The following ITCH variants were observed in gnomAD, a reference collection of about 807,000 sequenced individuals.
The protein encoded by ITCH is E3 ubiquitin-protein ligase Itchy homolog.
A neutral mutation model predicts 126.8 loss-of-function variants in ITCH; 28 were observed. The ratio of observed to expected loss-of-function variants is 0.22; its 90% CI spans 0.16 to 0.30. The LOEUF (loss-of-function observed/expected upper bound fraction) is 0.30, where lower values mean the gene tolerates loss of function less well. Among genes scored for constraint, ITCH ranks in the 10% least tolerant of loss-of-function variants. The probability of loss-of-function intolerance (pLI) is 1.00; values close to 1 mark genes in which losing one functional copy is unlikely to be tolerated. For synonymous variants in ITCH, 342 were observed against 340.0 expected, an observed-to-expected ratio of 1.01 and a Z score of -0.06; for missense variants, 631 against 1,032.4, an observed-to-expected ratio of 0.61 and a Z score of 5.33.
In ITCH at chr20:34,402,660, C is replaced by T. The variant is rs771681452; in HGVS notation, c.71-5991C>T. ...ATTTGTTGTGTTGTTTTACCAACAG[C>T]ACCATCACCCACAACAACACACTTA... On this transcript the variant is annotated intron_variant, in intron 3 of 24. Transcript: ENST00000374864. 5.0e-5 allele frequency: 28 copies of T among 559,300 alleles called. No homozygotes were observed. The Admixed American group carries it at 6.8e-4, about 14-fold the overall frequency. The allele number at this position is 559,300 out of a possible 1,614,324, so 34.6% of individuals were successfully genotyped here.
Position 34,375,695 on chromosome 20 carries a change from AATTTTTTTTTTT to A in ITCH, c.-22+6226_-22+6237del, listed in dbSNP as rs1317259203. Reference sequence around the variant, plus strand: ...ACACTCACAATGTATTGGTAGTTAAAATTTTTTTTTTTTTTTTTTTTTTTTTTTTTTTTTTTA... The same window carrying A: ...ACACTCACAATGTATTGGTAGTTAAATTTTTTTTTTTTTTTTTTTTTTTTA... On this transcript the variant is annotated intron_variant, in intron 2 of 24. Transcript: ENST00000374864. Among the ~76,000 whole-genome samples, 157 of 135,140 alleles carry A rather than the reference AATTTTTTTTTTT, an allele frequency of 1.2e-3. 1 individual carries two copies. The highest frequency in any genetic ancestry group is 4.5e-3 in the African/African-American group (154 of 34,074). The allele number at this position is 135,140 out of a possible 152,430, so 88.7% of individuals were successfully genotyped here. A position where few individuals can be genotyped will look rare whatever the true frequency, so the allele number is the denominator to read the frequency against.
intron 13 of ITCH, among the ~76,000 whole-genome samples, chr20:34,460,849 G>C (rs1986441466): frequency 6.6e-6 from 1 of 152,036 alleles, no homozygotes; most frequent in Non-Finnish European, 1.5e-5. Flanking sequence ...AGTGAGACCA[G>C]TCTCTACATA....
At chr20:34,501,923 A>G (rs1475173734) in intron 23 of ITCH, among the ~76,000 whole-genome samples, 2 of 152,204 alleles carry the variant, frequency 1.3e-5, no homozygotes, top group African/African-American at 4.8e-5. Flanking sequence ...AATAAATTAT[A>G]GATGGTCAAG....
chr20:34,434,109 C>T (rs554613657), intron 7 of ITCH, among the ~76,000 whole-genome samples: 1 of 152,142 alleles, frequency 6.6e-6, no homozygotes, highest in African/African-American at 2.4e-5. Flanking sequence ...GACCTTGTCT[C>T]TACAAAAACA....
chr20:34,454,716 A>T (rs1206072693), intron 12 of ITCH, among the ~76,000 whole-genome samples: 1 of 152,030 alleles, frequency 6.6e-6, no homozygotes, highest in East Asian at 1.9e-4. Flanking sequence ...AATATTACCA[A>T]ATACGAACTT....
At chr20:34,507,263 G>GTTTTTTTTTTTTTTTTTTTT (rs776161631) in intron 24 of ITCH, among the ~76,000 whole-genome samples, 29 of 39,154 alleles carry the variant, frequency 7.4e-4, no homozygotes, top group Non-Finnish European at 1.1e-3. Context: ...GTTTTCTTCT[G>GTTTTTTTTTTTTTTTTTTTT]TTTTTTTTTT....
intron 2 of ITCH, among the ~76,000 whole-genome samples, chr20:34,373,676 G>A (rs2037727462): frequency 6.6e-6 from 1 of 151,906 alleles, no homozygotes; most frequent in African/African-American, 2.4e-5. Context: ...TCCATGTCTG[G>A]AAATTGCTTA....
At chr20:34,430,020 G>A (rs193032583) in intron 7 of ITCH, among the ~76,000 whole-genome samples, 1 of 152,282 alleles carries the variant, frequency 6.6e-6, no homozygotes, top group African/African-American at 2.4e-5. Flanking sequence ...TTTGGCTAAA[G>A]GTGCAGTAAT....
intron 22 of ITCH, among the ~76,000 whole-genome samples, chr20:34,492,211 T>C (rs1420367610): frequency 6.6e-6 from 1 of 152,228 alleles, no homozygotes; most frequent in Non-Finnish European, 1.5e-5. Flanking sequence ...AATTATCTAA[T>C]GCAGTGGACA....
intron 13 of ITCH, among the ~76,000 whole-genome samples, chr20:34,460,320 C>G (rs1221521119): frequency 6.8e-6 from 1 of 146,728 alleles, no homozygotes; most frequent in Non-Finnish European, 1.5e-5. Flanking sequence ...TCCCAAGTAG[C>G]TTGGACTATA....
chr20:34,495,320 C>G (rs1308427546), intron 23 of ITCH, among the ~76,000 whole-genome samples: 1 of 140,400 alleles, frequency 7.1e-6, no homozygotes, highest in Non-Finnish European at 1.6e-5. Flanking sequence ...TATATATACA[C>G]ACGCACACAC....
intron 2 of ITCH, among the ~76,000 whole-genome samples, chr20:34,382,508 G>A (rs1048814573): frequency 2.0e-5 from 3 of 151,906 alleles, no homozygotes; most frequent in Non-Finnish European, 4.4e-5. Context: ...CTGGGTTCAA[G>A]TGATTCTCTG....
chr20:34,417,091 T>G (rs1175683919), intron 6 of ITCH: 2 of 640,126 alleles, frequency 3.1e-6, no homozygotes, highest in Non-Finnish European at 5.8e-6. Flanking sequence ...AATTTGCTAT[T>G]TAGGTAGACT....
At chr20:34,444,766 G>A (rs1387427404) in intron 10 of ITCH, among the ~76,000 whole-genome samples, 3 of 152,038 alleles carry the variant, frequency 2.0e-5, no homozygotes, top group East Asian at 1.9e-4. Flanking sequence ...TCAGCGTCCC[G>A]CGTAGCTGGG....
intron 13 of ITCH, among the ~76,000 whole-genome samples, chr20:34,458,589 T>C (rs1184728555): frequency 1.3e-5 from 2 of 152,230 alleles, no homozygotes; most frequent in Non-Finnish European, 2.9e-5. Flanking sequence ...CTCAGGGTTC[T>C]GGAGGCTAGA....
chr20:34,489,208 C>T, intron 20 of ITCH, 58 bp from the exon 21 acceptor site: 1 of 1,466,062 alleles, frequency 6.8e-7, no homozygotes, highest in Non-Finnish European at 9.4e-7. Context: ...TTTTTATACT[C>T]AGAATTTAAA....
At position 34,508,739 on chromosome 20, in the gene ITCH, C is replaced by A. The variant is rs1340928473; in HGVS notation, c.*945C>A. The A allele has an allele frequency of 2.6e-5, 4 of 152,210 alleles. No homozygotes were observed. In the East Asian group the frequency reaches 7.7e-4, roughly 29 times the overall value. 9.4% of individuals were successfully genotyped at this position (152,210 alleles called of 1,614,324 possible). A position where few individuals can be genotyped will look rare whatever the true frequency, so the allele number is the denominator to read the frequency against. The stretch of plus-strand genomic sequence containing the variant: ...TTTAATTGAATTCATCTAAAGATGT[C>A]TCTGGTGATTTTTATATGTTCCGCT... On this transcript the variant is annotated 3_prime_UTR_variant, in exon 25 of 25. Transcript: ENST00000374864.
intron 3 of ITCH, among the ~76,000 whole-genome samples, chr20:34,396,220 G>A (rs913338187): frequency 2.6e-5 from 4 of 151,762 alleles, no homozygotes; most frequent in African/African-American, 7.3e-5. Context: ...TTTTAGTAAA[G>A]ACGGGGTTTC....
At chr20:34,450,220 C>G (rs962918176) in intron 12 of ITCH, among the ~76,000 whole-genome samples, 2 of 152,142 alleles carry the variant, frequency 1.3e-5, no homozygotes. Context: ...ATGTCACCAT[C>G]GGAGAAAAAT....
Sources: gnomAD v4.1 joint callset for allele counts (sites outside exome capture counted in the v4.1 genomes callset) on GRCh38, gnomAD v4.1.1 for gene constraint, MANE v1.5 for transcripts, NCBI Gene and HGNC (gene_info 2026-07-23, HGNC 2026-07-21) for gene names.